DCC: variants seen among roughly 807,000 people sequenced by gnomAD.
The protein encoded by DCC is netrin receptor DCC.
Under a neutral mutation model 172.5 loss-of-function variants are expected in DCC, and 58 were observed. The ratio of observed to expected loss-of-function variants is 0.34; its 90% CI spans 0.27 to 0.42. DCC has a LOEUF of 0.42. DCC is among the 10% of genes least tolerant of loss of function. The pLI is 1.00. For missense variants in DCC, 1,740 were observed against 1,791.0 expected (o/e 0.97, Z 0.51); for synonymous variants, 709 against 644.5 (o/e 1.10, Z -1.52).
chr18:52,645,431 T>C (rs974540816), intron 1 of DCC, among the ~76,000 whole-genome samples: 8 of 152,244 alleles, frequency 5.3e-5, no homozygotes, highest in Non-Finnish European at 1.0e-4. Context: ...AGAAGGGTAC[T>C]GTAAAATCTT....
intron 21 of DCC, among the ~76,000 whole-genome samples, chr18:53,418,634 T>C (rs1470303813): frequency 6.6e-6 from 1 of 152,000 alleles, no homozygotes; most frequent in East Asian, 1.9e-4. Context: ...AAGCAAGAGG[T>C]TGAATTTGAC....
At chr18:53,349,917 A>G (rs1244289564) in intron 15 of DCC, among the ~76,000 whole-genome samples, 1 of 152,214 alleles carries the variant, frequency 6.6e-6, no homozygotes. Context: ...TTTTAAAGCA[A>G]TCTTCTCACT....
chr18:52,358,215 T>A (rs1319756675), intron 1 of DCC, among the ~76,000 whole-genome samples: 1 of 152,196 alleles, frequency 6.6e-6, no homozygotes, highest in Non-Finnish European at 1.5e-5. Flanking sequence ...AAACAGCACT[T>A]TTAACAAGCT....
chr18:52,396,296 C>A (rs185415201), intron 1 of DCC, among the ~76,000 whole-genome samples: 3 of 139,714 alleles, frequency 2.1e-5, no homozygotes, highest in Non-Finnish European at 3.1e-5. Flanking sequence ...CCCCCCACCC[C>A]GCCCTGAAAA....
At chr18:53,444,669 T>C (rs1267163410) in intron 22 of DCC, among the ~76,000 whole-genome samples, 1 of 152,208 alleles carries the variant, frequency 6.6e-6, no homozygotes, top group East Asian at 1.9e-4. Flanking sequence ...ATGAAGTATT[T>C]TTAAATTAAG....
chr18:53,209,998 A>T (rs557294680), intron 11 of DCC, among the ~76,000 whole-genome samples: 6 of 152,214 alleles, frequency 3.9e-5, no homozygotes, highest in Admixed American at 6.5e-5. Flanking sequence ...CCCAATAAAC[A>T]TCACTGTGCA....
chr18:53,367,610 G>A (rs530524482), intron 15 of DCC, among the ~76,000 whole-genome samples: 16 of 151,940 alleles, frequency 1.1e-4, no homozygotes, highest in Admixed American at 1.3e-4. Flanking sequence ...CCATCGAACC[G>A]TACATCTCTA....
intron 7 of DCC, among the ~76,000 whole-genome samples, chr18:53,097,373 T>G (rs2043102455): frequency 6.6e-6 from 1 of 152,144 alleles, no homozygotes; most frequent in Non-Finnish European, 1.5e-5. Context: ...ACCTATATGG[T>G]TTTTCTCTAC....
intron 5 of DCC, among the ~76,000 whole-genome samples, chr18:52,943,555 A>G (rs1245518786): frequency 1.3e-5 from 2 of 152,166 alleles, no homozygotes; most frequent in Non-Finnish European, 2.9e-5. Flanking sequence ...TAATTGATGC[A>G]TGAAAGCACT....
At chr18:53,050,845 C>A (rs991478533) in intron 5 of DCC, among the ~76,000 whole-genome samples, 1 of 151,890 alleles carries the variant, frequency 6.6e-6, no homozygotes, top group Non-Finnish European at 1.5e-5. Context: ...TTTTTAAATG[C>A]AAAAAGGAAA....
intron 1 of DCC, among the ~76,000 whole-genome samples, chr18:52,366,665 A>G (rs1367281169): frequency 6.6e-6 from 1 of 151,154 alleles, no homozygotes; most frequent in East Asian, 2.0e-4. Context: ...ACAATCCCTG[A>G]GCCAGACATA....
At chr18:52,581,316 T>C (rs1224210679) in intron 1 of DCC, among the ~76,000 whole-genome samples, 1 of 135,244 alleles carries the variant, frequency 7.4e-6, no homozygotes, top group Non-Finnish European at 1.6e-5. Context: ...GCAAACTATT[T>C]AAACTATCTC....
chr18:53,092,475 T>C (rs1441415865), intron 7 of DCC, among the ~76,000 whole-genome samples: 2 of 152,218 alleles, frequency 1.3e-5, no homozygotes, highest in Non-Finnish European at 2.9e-5. Flanking sequence ...CCATCATTTA[T>C]TAAAGCATAT....
At chr18:53,178,397 C>T (rs1184358893) in intron 8 of DCC, among the ~76,000 whole-genome samples, 6 of 152,188 alleles carry the variant, frequency 3.9e-5, no homozygotes, top group South Asian at 2.1e-4. Context: ...TACAGTTTCT[C>T]TTCACGCAGG....
At chr18:52,663,833 A>AGTG (rs893851684) in intron 1 of DCC, among the ~76,000 whole-genome samples, 1 of 152,166 alleles carries the variant, frequency 6.6e-6, no homozygotes, top group African/African-American at 2.4e-5. Context: ...ATGAGTTGAG[A>AGTG]GTGGTCACTC....
intron 2 of DCC, among the ~76,000 whole-genome samples, chr18:52,835,164 G>A (rs2038682876): frequency 6.6e-6 from 1 of 152,164 alleles, no homozygotes; most frequent in African/African-American, 2.4e-5. Context: ...TGAGAGTAGT[G>A]TGTTATTTAA....
intron 15 of DCC, among the ~76,000 whole-genome samples, chr18:53,357,205 C>T (rs976696220): frequency 6.6e-6 from 1 of 152,080 alleles, no homozygotes; most frequent in South Asian, 2.1e-4. Context: ...ATATCTATTT[C>T]CTGATTTCTG....
chr18:52,363,556 A>G (rs947546524), intron 1 of DCC, among the ~76,000 whole-genome samples: 3 of 152,224 alleles, frequency 2.0e-5, no homozygotes, highest in Non-Finnish European at 4.4e-5. Context: ...GATATATGTC[A>G]GGCAAAGATG....
intron 7 of DCC, among the ~76,000 whole-genome samples, chr18:53,103,063 A>C (rs1467975772): frequency 6.6e-6 from 1 of 152,128 alleles, no homozygotes; most frequent in Non-Finnish European, 1.5e-5. Context: ...TTATACGTTC[A>C]TACATTTACC....
Sources: gnomAD v4.1 joint callset for allele counts (sites outside exome capture counted in the v4.1 genomes callset) on GRCh38, gnomAD v4.1.1 for gene constraint, MANE v1.5 for transcripts, NCBI Gene and HGNC (gene_info 2026-07-23, HGNC 2026-07-21) for gene names.